ZNF443: variants seen among roughly 807,000 people sequenced by gnomAD.
ZNF443 encodes zinc finger protein 443, also known as Kruppel-type zinc finger (C2H2).
Under a neutral mutation model 12.0 loss-of-function variants are expected in ZNF443, and 3 were observed. The ratio of observed to expected loss-of-function variants is 0.25; its 90% confidence interval spans 0.11 to 0.64. The LOEUF is 0.64. Among genes scored for constraint, ZNF443 ranks in the 30% least tolerant of loss-of-function variants. ZNF443 has a pLI of 0.84. For synonymous variants in ZNF443, 225 were observed against 265.9 expected (o/e 0.85, Z 1.50); for missense variants, 770 against 808.8 (o/e 0.95, Z 0.58).
intron 1 of ZNF443, among the ~76,000 whole-genome samples, chr19:12,439,379 G>A (rs1970343320): frequency 6.6e-6 from 1 of 152,124 alleles, no homozygotes; most frequent in Non-Finnish European, 1.5e-5. Flanking sequence ...CCATCCCAGT[G>A]GATCCAGTTG....
intron 1 of ZNF443, among the ~76,000 whole-genome samples, chr19:12,435,649 T>C (rs1970301518): frequency 1.3e-5 from 2 of 151,942 alleles, no homozygotes; most frequent in South Asian, 4.2e-4. Flanking sequence ...TGGCTAAGTG[T>C]TCAAGGGATG....
At chr19:12,434,898 C>T (rs35522009) in intron 1 of ZNF443, among the ~76,000 whole-genome samples, 48,980 of 150,064 alleles carry the variant, frequency 0.33, 8,434 homozygotes, top group South Asian at 0.47. Flanking sequence ...AAATTATTGC[C>T]TTGCATTTTC....
rs1335423298 is a variant in ZNF443 at position 12,429,955 on chromosome 19, CTGGACA to C, written c.*195_*200del. The C allele has an allele frequency of 5.4e-6, 4 of 745,904 alleles. No individual in the cohort carries two copies. In the South Asian group the frequency reaches 6.0e-5, roughly 11 times the overall value. 46.2% of individuals were successfully genotyped at this position (745,904 alleles called of 1,614,324 possible). On this transcript the variant is annotated 3_prime_UTR_variant, in exon 4 of 4. Coordinates refer to ENST00000301547, the MANE Select transcript of ZNF443 (RefSeq NM_005815.5). ...CAAACATGTCATTTTATAAAAGGGA[CTGGACA>C]TGGCTCACGGAGTGCTGGAACCAAT... is the stretch of plus-strand genomic sequence containing the variant.
chr19:12,433,329 T>A (rs1288882935), intron 1 of ZNF443, 132 bp from the exon 2 acceptor site: 1 of 1,448,816 alleles, frequency 6.9e-7, no homozygotes, highest in East Asian at 2.5e-5. Context: ...AACCCACTCT[T>A]ATTCTCTGTC....
chr19:12,430,983 G>A lies in ZNF443; in HGVS notation c.1189C>T (p.Gln397Ter). The A allele has an allele frequency of 1.2e-6, 2 of 1,613,624 alleles. No individual in the cohort carries two copies. Among genetic ancestry groups the A allele is most frequent in the Non-Finnish European group, 1.7e-6 (2 of 1,179,718 alleles). The change falls in exon 4 of 4, where the codon CAG becomes TAG. Residue 397 changes from glutamine (Q) to a stop codon, truncating the protein, a stop_gained. Transcript: ENST00000301547. LOFTEE classifies it low-confidence loss of function (END_TRUNC). ...CGATGAGATAATGCTTTCCCACACT[G>A]CTTGCATTCATAGGGTTTCTCTCCA... ...HTGEKPYECK[Q>*]CGKALSHRSS... is the part of the protein sequence containing the mutation.
rs757771532 is a variant in ZNF443 at position 12,431,580 on chromosome 19, T to G, written c.592A>C (p.Lys198Gln). 68 of 1,614,062 alleles carry G rather than the reference T, an allele frequency of 4.2e-5. 1 individual carries two copies. The South Asian group carries it at 5.9e-4, about 14-fold the overall frequency. The change falls in exon 4 of 4, where the codon AAA becomes CAA. Residue 198 changes from lysine (K) to glutamine (Q), a missense_variant. Around this residue, in one of 3 missense-constraint regions of ZNF443, gnomAD observed 736 missense variants for 689.4 expected, o/e 1.07. Coordinates refer to ENST00000301547, the MANE Select transcript of ZNF443 (RefSeq NM_005815.5). ...AACGCTTTCCCACACAACTTACATTTATAAGGTCCATCTCCACGCTGCACT... is the reference window on the plus strand; with the variant it reads ...AACGCTTTCCCACACAACTTACATTGATAAGGTCCATCTCCACGCTGCACT... ...MAVQRGDGPY[K>Q]CKLCGKAFFW... is the part of the protein sequence containing the mutation.
Position 12,431,177 on chromosome 19 carries a change from C to T in ZNF443, c.995G>A (p.Ser332Asn). 6 of 1,613,522 alleles carry T rather than the reference C, an allele frequency of 3.7e-6. No individual in the cohort carries two copies. Among genetic ancestry groups the T allele is most frequent in the Non-Finnish European group, 5.1e-6 (6 of 1,179,836 alleles). ...GSLQRHETTH[S>N]AEKPYACQQC... The stretch of plus-strand genomic sequence containing the variant: ...CTGACATGCATAGGGTTTCTCTGCA[C>T]TGTGAGTGGTTTCATGTCTTTGAAG... The change falls in exon 4 of 4, where the codon AGT becomes AAT. Residue 332 changes from serine (S) to asparagine (N), a missense_variant. By Grantham distance (46) the Ser-to-Asn change is conservative. Around this residue, in one of 3 missense-constraint regions of ZNF443, gnomAD observed 736 missense variants for 689.4 expected, o/e 1.07. Coordinates refer to ENST00000301547, the MANE Select transcript of ZNF443 (RefSeq NM_005815.5).
In ZNF443 at chr19:12,438,727, C is replaced by CA. The variant is rs1023247042; in HGVS notation, c.3+2184dup. On this transcript the variant is annotated intron_variant, in intron 1 of 3. Coordinates refer to ENST00000301547, the MANE Select transcript of ZNF443 (RefSeq NM_005815.5). ...GAAACGTACTACACAAGCTCTGGGG[C>CA]AAAAAAAATAAATAAAGGCTTTTAA... 8.0e-5 allele frequency among the ~76,000 whole-genome samples: 12 copies of CA among 150,888 alleles called. 1 individual carries two copies. In the South Asian group the frequency reaches 1.3e-3, roughly 16 times the overall value.
rs115487665 is a variant in ZNF443, at chr19:12,430,683, T to C, written c.1489A>G (p.Thr497Ala). ...DFCSFQNHKT[T>A]HTGEKPYECK... ...TCATATGGCTTCTCTCCAGTGTGAG[T>C]TGTTTTGTGATTTTGAAAGGAACAG... Residue 497 changes from threonine to alanine, a missense_variant, in exon 4 of 4, where the codon ACT (threonine) becomes GCT (alanine). This residue lies in a region of ZNF443 where 736 missense variants were observed against 689.4 expected (regional missense o/e 1.07). Coordinates refer to ENST00000301547, the MANE Select transcript of ZNF443 (RefSeq NM_005815.5). 1.2e-3 allele frequency: 2,008 copies of C among 1,613,368 alleles called. 19 individuals carry two copies. In the African/African-American group the frequency reaches 0.023, roughly 18 times the overall value.
In ZNF443 at chr19:12,440,899, C is replaced by G. The variant is rs1970358517; in HGVS notation, c.3+13G>C. 2 of 1,614,116 alleles carry G rather than the reference C, an allele frequency of 1.2e-6. No homozygotes were observed. Among genetic ancestry groups the G allele is most frequent in the African/African-American group, 1.3e-5 (1 of 75,062 alleles). Reference sequence around the variant, plus strand: ...CCCTCCCCCGCCTCGGGACGCCGGCCCAGCACACGCACCATTTCCCGACTT... The same window carrying G: ...CCCTCCCCCGCCTCGGGACGCCGGCGCAGCACACGCACCATTTCCCGACTT... On this transcript the variant is annotated intron_variant, in intron 1 of 3. Coordinates refer to ENST00000301547, the MANE Select transcript of ZNF443 (RefSeq NM_005815.5).
chr19:12,430,891 C>T lies in ZNF443; in HGVS notation c.1281G>A (p.Gly427=), dbSNP rs1970244425. ...GDGPHKCKVC[G]KAFVYPSVFQ... ...ATACACTGGGATAAACAAAGGCTTT[C>T]CCACATACCTTGCATTTATGAGGTC... The change falls in exon 4 of 4, where the codon GGG becomes GGA. Residue 427 remains glycine, a synonymous_variant. Coordinates refer to ENST00000301547, the MANE Select transcript of ZNF443 (RefSeq NM_005815.5). 3 of 1,613,908 alleles carry T rather than the reference C, an allele frequency of 1.9e-6. No individual in the cohort carries two copies. The highest frequency in any genetic ancestry group is 2.5e-6 in the Non-Finnish European group (3 of 1,179,980).
In ZNF443 at chr19:12,431,156, C is replaced by T. The variant is rs772480766; in HGVS notation, c.1016G>A (p.Cys339Tyr). 6.2e-7 allele frequency: 1 copy of T among 1,614,072 alleles called. No homozygotes were observed. The highest frequency in any genetic ancestry group is 1.1e-5 in the South Asian group (1 of 91,080). ...ATGAAACGCTTTCCCACATTGCTGA[C>T]ATGCATAGGGTTTCTCTGCACTGTG... is the stretch of plus-strand genomic sequence containing the variant. ...TTHSAEKPYA[C>Y]QQCGKAFHHL... The change falls in exon 4 of 4, where the codon TGT becomes TAT. Residue 339 changes from cysteine (C) to tyrosine (Y), a missense_variant. Around this residue, in one of 3 missense-constraint regions of ZNF443, gnomAD observed 736 missense variants for 689.4 expected, o/e 1.07. Coordinates refer to ENST00000301547, the MANE Select transcript of ZNF443 (RefSeq NM_005815.5).
At position 12,430,659 on chromosome 19, in the gene ZNF443, C is replaced by A. The variant is rs1165952586; in HGVS notation, c.1513G>T (p.Glu505Ter). 1 of 1,614,042 alleles carries A rather than the reference C, an allele frequency of 6.2e-7. No homozygotes were observed. The highest frequency in any genetic ancestry group is 1.7e-5 in the Admixed American group (1 of 60,020). ...AATGCTTTCCCACATTCCTTACACT[C>A]ATATGGCTTCTCTCCAGTGTGAGTT... The part of the protein sequence containing the change: ...KTTHTGEKPY[E>*]CKECGKAFSR... The change falls in exon 4 of 4, where the codon GAG becomes TAG. Residue 505 changes from glutamate (E) to a stop codon, truncating the protein, a stop_gained. Transcript: ENST00000301547. LOFTEE classifies it low-confidence loss of function (END_TRUNC).
At chr19:12,435,950 G>A (rs1303668235) in intron 1 of ZNF443, among the ~76,000 whole-genome samples, 8 of 151,886 alleles carry the variant, frequency 5.3e-5, no homozygotes, top group South Asian at 2.1e-4. Context: ...ATAACATTCC[G>A]ATATCTACTT....
At chr19:12,435,930 G>T (rs61221985) in intron 1 of ZNF443, among the ~76,000 whole-genome samples, 48,950 of 150,766 alleles carry the variant, frequency 0.32, 8,495 homozygotes, top group South Asian at 0.47. Context: ...ATTTTCAGAA[G>T]TACCCCATTA....
chr19:12,431,985 A>T lies in ZNF443; in HGVS notation c.192-5T>A. 1 of 1,539,044 alleles carries T rather than the reference A, an allele frequency of 6.5e-7. No individual in the cohort carries two copies. The highest frequency in any genetic ancestry group is 8.7e-7 in the Non-Finnish European group (1 of 1,145,070). The stretch of plus-strand genomic sequence containing the variant: ...AATCTCTCTAACATACGACATCTGT[A>T]AAAAATGGGAAATATATCACTAAAA... On this transcript the variant is annotated splice_region_variant and splice_polypyrimidine_tract_variant and intron_variant, in intron 3 of 3. Coordinates refer to ENST00000301547, the MANE Select transcript of ZNF443 (RefSeq NM_005815.5).
Position 12,430,193 on chromosome 19 carries a change from G to A in ZNF443, c.1979C>T (p.Ser660Phe), listed in dbSNP as rs1970233492. Residue 660 changes from serine (S) to phenylalanine (F), a missense_variant, in exon 4 of 4, where the codon TCT (serine) becomes TTT (phenylalanine). Transcript: ENST00000301547. ...ECKECGKAFA[S>F]LSSLHRHKKT... is the part of the protein sequence containing the mutation. ...TTTATGTCTATGCAAGGAACTGAGA[G>A]AAGCAAATGCTTTCCCACATTCCTT... is the stretch of plus-strand genomic sequence containing the variant. The A allele has an allele frequency of 2.5e-6, 4 of 1,613,804 alleles. No homozygotes were observed. The highest frequency in any genetic ancestry group is 3.4e-6 in the Non-Finnish European group (4 of 1,179,822).
At position 12,430,769 on chromosome 19, in the gene ZNF443, T is replaced by C. The variant is rs1414533621; in HGVS notation, c.1403A>G (p.Glu468Gly). 4 of 1,613,588 alleles carry C rather than the reference T, an allele frequency of 2.5e-6. No individual in the cohort carries two copies. The highest frequency in any genetic ancestry group is 2.2e-5 in the East Asian group (1 of 44,852). Residue 468 changes from glutamate to glycine, a missense_variant, in exon 4 of 4, where the codon GAA becomes GGA. This residue lies in a region of ZNF443 where 736 missense variants were observed against 689.4 expected (regional missense o/e 1.07). Coordinates refer to ENST00000301547, the MANE Select transcript of ZNF443 (RefSeq NM_005815.5). ...GGGTTTCTCTCCAGTATGAGTTGTT[T>C]CATGCCTTCGAAGGGAACTGGAAAT... ...YRISSSLRRHETTHTGEKPYK... is the reference protein window; with the variant it reads ...YRISSSLRRHGTTHTGEKPYK...
intron 3 of ZNF443, 131 bp from the exon 4 acceptor site, chr19:12,432,111 T>C: frequency 3.3e-6 from 3 of 907,742 alleles, no homozygotes; most frequent in Non-Finnish European, 4.8e-6. Flanking sequence ...TGAATGTGAA[T>C]GGATGGAATG....
Sources: allele counts gnomAD v4.1 joint callset (sites outside exome capture counted in the v4.1 genomes callset), GRCh38; gene constraint gnomAD v4.1.1; regional missense constraint gnomAD v4.1.1; transcripts MANE v1.5; gene names NCBI Gene and HGNC (gene_info 2026-07-23, HGNC 2026-07-21).